Variants in GLIS3 observed in about 807,000 individuals in gnomAD.
GLIS3 encodes the protein zinc finger protein GLIS3.
Under a neutral mutation model 78.6 loss-of-function variants are expected in GLIS3, and 53 were observed. The ratio of observed to expected loss-of-function variants is 0.67; its 90% confidence interval spans 0.54 to 0.85. The LOEUF is 0.85. Among genes scored for constraint, GLIS3 ranks in the 40% least tolerant of loss-of-function variants. GLIS3 has a pLI of 0.00. For synonymous variants in GLIS3, 684 were observed against 509.9 expected (o/e 1.34, Z -4.60); for missense variants, 1,703 against 1,231.1 (o/e 1.38, Z -5.74).
the GLIS3 span, among the ~76,000 whole-genome samples, chr9:4,443,859 G>T: frequency 6.6e-6 from 1 of 152,118 alleles, no homozygotes; most frequent in Non-Finnish European, 1.5e-5. Flanking sequence ...TGTCAAAAAG[G>T]TTGGCTCAAA....
chr9:4,225,725 C>G (rs989255581), intron 2 of GLIS3, among the ~76,000 whole-genome samples: 2 of 152,196 alleles, frequency 1.3e-5, no homozygotes, highest in Non-Finnish European at 2.9e-5. Flanking sequence ...AAGTCATTGA[C>G]ATTGCTAATG....
chr9:3,979,740 A>C (rs569032453), intron 4 of GLIS3, among the ~76,000 whole-genome samples: 1 of 152,340 alleles, frequency 6.6e-6, no homozygotes, highest in Admixed American at 6.5e-5. Flanking sequence ...ACAGGCATCA[A>C]TCTTGGTCTC....
At chr9:4,044,272 G>A (rs1315710122) in intron 4 of GLIS3, among the ~76,000 whole-genome samples, 1 of 152,222 alleles carries the variant, frequency 6.6e-6, no homozygotes, top group Non-Finnish European at 1.5e-5. Flanking sequence ...CTAGTGCCAA[G>A]TTCGACTAAA....
At chr9:4,054,837 T>C (rs1826016679) in intron 4 of GLIS3, among the ~76,000 whole-genome samples, 1 of 152,152 alleles carries the variant, frequency 6.6e-6, no homozygotes, top group African/African-American at 2.4e-5. Context: ...TTCCACATTT[T>C]GCCCCTTGAG....
intron 4 of GLIS3, among the ~76,000 whole-genome samples, chr9:4,066,218 G>A (rs1827085410): frequency 6.6e-6 from 1 of 152,102 alleles, no homozygotes. Flanking sequence ...TAACACCCTG[G>A]CACAGAAGCG....
At chr9:3,847,220 A>T (rs971747185) in intron 9 of GLIS3, among the ~76,000 whole-genome samples, 2 of 151,490 alleles carry the variant, frequency 1.3e-5, no homozygotes, top group African/African-American at 2.4e-5. Context: ...TAAATAAAAA[A>T]AAATAAAATA....
intron 7 of GLIS3, among the ~76,000 whole-genome samples, chr9:3,883,491 T>C (rs1425822690): frequency 6.6e-6 from 1 of 152,230 alleles, no homozygotes; most frequent in Non-Finnish European, 1.5e-5. Flanking sequence ...AAAACTGTAA[T>C]GTCATTCGCA....
intron 4 of GLIS3, among the ~76,000 whole-genome samples, chr9:4,104,453 C>T (rs745432540): frequency 3.3e-5 from 5 of 152,164 alleles, no homozygotes; most frequent in South Asian, 2.1e-4. Context: ...CAGAAGGCTA[C>T]GGCAGTGCCC....
At chr9:3,967,705 A>G (rs1466580574) in intron 4 of GLIS3, among the ~76,000 whole-genome samples, 1 of 152,206 alleles carries the variant, frequency 6.6e-6, no homozygotes, top group Non-Finnish European at 1.5e-5. Flanking sequence ...ACCTGGAGAG[A>G]TATCCATATT....
At chr9:3,899,019 A>G in intron 6 of GLIS3, 184 bp from the exon 7 acceptor site, 1 of 711,734 alleles carries the variant, frequency 1.4e-6, no homozygotes, top group Non-Finnish European at 2.4e-6. Flanking sequence ...TCCTAATAAC[A>G]CCTGGCAAGA....
intron 8 of GLIS3, chr9:3,875,437 T>A (rs998788086): frequency 6.6e-6 from 1 of 152,130 alleles, no homozygotes; most frequent in Non-Finnish European, 1.5e-5. Flanking sequence ...CAGCCCATTT[T>A]TTTTAGCATG....
the GLIS3 span, among the ~76,000 whole-genome samples, chr9:4,436,534 G>C: frequency 6.6e-6 from 1 of 152,058 alleles, no homozygotes; most frequent in African/African-American, 2.4e-5. Context: ...GACTGGGCTG[G>C]GTGGCTCAGC....
In GLIS3 at chr9:3,957,237, G is replaced by A. The variant is rs114393558; in HGVS notation, c.1711-20048C>T. 7.0e-3 allele frequency among the ~76,000 whole-genome samples: 1,066 copies of A among 152,292 alleles called. 15 individuals are homozygous for A. The highest frequency in any genetic ancestry group is 0.024 in the African/African-American group (999 of 41,542). On this transcript the variant is annotated intron_variant, in intron 4 of 10. Transcript: ENST00000381971. ...GAGCCCTTTCCCGAGAGTGTTTTAC[G>A]CTGCCTACGCATTAAACCTGTTCTT... is the stretch of plus-strand genomic sequence containing the variant.
At chr9:4,201,555 G>C (rs937092176) in intron 2 of GLIS3, among the ~76,000 whole-genome samples, 1 of 152,120 alleles carries the variant, frequency 6.6e-6, no homozygotes, top group African/African-American at 2.4e-5. Context: ...CAAGCTGAGA[G>C]CCTAATTAAG....
chr9:4,376,833 A>C, the GLIS3 span, among the ~76,000 whole-genome samples: 2 of 135,612 alleles, frequency 1.5e-5, no homozygotes, highest in African/African-American at 2.6e-5. Context: ...GAGAGTATAC[A>C]GGCACAGTCT....
intron 2 of GLIS3, among the ~76,000 whole-genome samples, chr9:4,239,905 C>T (rs1823129644): frequency 6.6e-6 from 1 of 152,164 alleles, no homozygotes; most frequent in African/African-American, 2.4e-5. Context: ...TAGACCTTTA[C>T]AGGAATAAAG....
At chr9:4,444,308 T>C in the GLIS3 span, among the ~76,000 whole-genome samples, 6 of 152,306 alleles carry the variant, frequency 3.9e-5, no homozygotes, top group East Asian at 1.2e-3. Flanking sequence ...AATAAAGACA[T>C]CTAAGCAATG....
chr9:4,360,405 C>T, the GLIS3 span, among the ~76,000 whole-genome samples: 1 of 152,128 alleles, frequency 6.6e-6, no homozygotes, highest in Non-Finnish European at 1.5e-5. Flanking sequence ...TCATCCCCAC[C>T]AGCTCAGACA....
intron 2 of GLIS3, among the ~76,000 whole-genome samples, chr9:4,214,101 C>T (rs1371038744): frequency 6.6e-6 from 1 of 152,182 alleles, no homozygotes; most frequent in African/African-American, 2.4e-5. Context: ...GCCTCTGCTG[C>T]CCAGCATAGG....
Sources: allele counts gnomAD v4.1 joint callset (sites outside exome capture counted in the v4.1 genomes callset), GRCh38; gene constraint gnomAD v4.1.1; transcripts MANE v1.5; gene names NCBI Gene and HGNC (gene_info 2026-07-23, HGNC 2026-07-21).